SLCO6A1: variants seen among roughly 807,000 people sequenced by gnomAD.
The protein encoded by SLCO6A1 is solute carrier organic anion transporter family member 6A1.
SLCO6A1 carries 65 observed loss-of-function variants against 72.7 expected under a neutral mutation model. The observed-to-expected ratio is 0.89, with a 90% CI of 0.73 to 1.10. The LOEUF (loss-of-function observed/expected upper bound fraction) is 1.10, where lower values mean the gene tolerates loss of function less well. Ranked by LOEUF, SLCO6A1 falls within the 50% of genes least tolerant of loss-of-function variation. The pLI, the probability that SLCO6A1 is intolerant of heterozygous loss-of-function variation, is 0.00. For missense variants in SLCO6A1, 874 were observed against 872.6 expected (o/e 1.00, Z -0.02); for synonymous variants, 314 against 298.2 (o/e 1.05, Z -0.55).
chr5:102,414,846 G>T (rs114991692), intron 8 of SLCO6A1, among the ~76,000 whole-genome samples: 2,740 of 152,184 alleles, frequency 0.018, 58 homozygotes, highest in African/African-American at 0.05. Flanking sequence ...AGTGAGCTGA[G>T]ATTGTACCAC....
At chr5:102,467,593 T>C (rs1460202909) in intron 4 of SLCO6A1, among the ~76,000 whole-genome samples, 2 of 152,082 alleles carry the variant, frequency 1.3e-5, no homozygotes, top group African/African-American at 2.4e-5. Context: ...GTTATTACAA[T>C]TGAAGGTGAG....
At chr5:102,382,494 ATT>A (rs113699697) in intron 12 of SLCO6A1, among the ~76,000 whole-genome samples, 3,105 of 147,920 alleles carry the variant, frequency 0.021, 97 homozygotes, top group African/African-American at 0.071. Context: ...AAATTTTAGG[ATT>A]TTTTTTTTTT....
At chr5:102,395,811 A>T (rs1580349010) in intron 10 of SLCO6A1, among the ~76,000 whole-genome samples, 1 of 152,020 alleles carries the variant, frequency 6.6e-6, no homozygotes, top group African/African-American at 2.4e-5. Flanking sequence ...GCATTTTTTC[A>T]TGTGTCTGTT....
chr5:102,437,666 A>C (rs1398756164), intron 7 of SLCO6A1, among the ~76,000 whole-genome samples: 1 of 152,148 alleles, frequency 6.6e-6, no homozygotes, highest in Non-Finnish European at 1.5e-5. Flanking sequence ...CTTTTATAAA[A>C]AATGTACTCC....
At chr5:102,494,390 G>A (rs1752818447) in intron 1 of SLCO6A1, among the ~76,000 whole-genome samples, 1 of 152,078 alleles carries the variant, frequency 6.6e-6, no homozygotes, top group South Asian at 2.1e-4. Context: ...TATGATAGAA[G>A]CCAAAAAGAA....
intron 12 of SLCO6A1, among the ~76,000 whole-genome samples, chr5:102,378,600 TA>T (rs140833911): frequency 0.19 from 28,498 of 152,128 alleles, 3,550 homozygotes; most frequent in Non-Finnish European, 0.24. Context: ...CAAAATTATG[TA>T]AGTGGAATTA....
At chr5:102,465,323 A>G (rs1330468932) in intron 4 of SLCO6A1, among the ~76,000 whole-genome samples, 1 of 151,924 alleles carries the variant, frequency 6.6e-6, no homozygotes, top group Non-Finnish European at 1.5e-5. Flanking sequence ...GGATATATAT[A>G]TATATATATC....
intron 7 of SLCO6A1, among the ~76,000 whole-genome samples, chr5:102,436,420 AT>A (rs1168003222): frequency 1.3e-5 from 2 of 152,206 alleles, no homozygotes; most frequent in African/African-American, 4.8e-5. Flanking sequence ...ACAATGCTCA[AT>A]TACTCTGGAA....
chr5:102,498,574 A>G lies in SLCO6A1; in HGVS notation c.271T>C (p.Leu91=). 6.2e-7 allele frequency: 1 copy of G among 1,614,252 alleles called. No individual in the cohort carries two copies. The highest frequency in any genetic ancestry group is 8.5e-7 in the Non-Finnish European group (1 of 1,180,044). Residue 91 remains leucine (L), a synonymous_variant, in exon 1 of 14, where the codon TTG becomes CTG. Coordinates refer to ENST00000506729, the MANE Select transcript of SLCO6A1 (RefSeq NM_173488.5). ...VDDSLEQPCG[L]GCLVSTCCEC... is the part of the protein sequence containing the mutation. ...CAGCAGGTGCTGACTAAGCAGCCCAAACCACAGGGCTGCTCCAAACTGTCA... is the reference window on the plus strand; with the variant it reads ...CAGCAGGTGCTGACTAAGCAGCCCAGACCACAGGGCTGCTCCAAACTGTCA...
chr5:102,466,595 C>G (rs1016235629), intron 4 of SLCO6A1, among the ~76,000 whole-genome samples: 1 of 152,062 alleles, frequency 6.6e-6, no homozygotes, highest in East Asian at 1.9e-4. Flanking sequence ...TGAGGAATTA[C>G]CGCACTGTCT....
intron 7 of SLCO6A1, among the ~76,000 whole-genome samples, chr5:102,437,163 T>A (rs1436590864): frequency 2.0e-5 from 3 of 152,160 alleles, no homozygotes; most frequent in Non-Finnish European, 4.4e-5. Flanking sequence ...GTGACTTGAC[T>A]TGAAATAATC....
rs111966654 is a variant in SLCO6A1, at chr5:102,444,990, G to T, written c.1132-6229C>A. On this transcript the variant is annotated intron_variant, in intron 6 of 13. Transcript: ENST00000506729. ...TTCACCACTAATGAGCATCTAGGTG[G>T]ATTCCATGTATTTGCTATTGTGAAT... Among the ~76,000 whole-genome samples, 316 of 152,236 alleles carry T rather than the reference G, an allele frequency of 2.1e-3. 3 individuals carry two copies. Among genetic ancestry groups the T allele is most frequent in the African/African-American group, 7.2e-3 (300 of 41,538 alleles).
chr5:102,463,089 C>T (rs1338060737), intron 4 of SLCO6A1, among the ~76,000 whole-genome samples: 1 of 151,716 alleles, frequency 6.6e-6, no homozygotes. Context: ...AAAAACAATC[C>T]CATCAAAAAG....
intron 12 of SLCO6A1, among the ~76,000 whole-genome samples, chr5:102,381,798 CT>C (rs1349491310): frequency 6.8e-6 from 1 of 146,706 alleles, no homozygotes; most frequent in East Asian, 2.0e-4. Context: ...GCAATTTTCA[CT>C]TGCATTTTCC....
chr5:102,485,678 C>G (rs959825479), intron 1 of SLCO6A1, among the ~76,000 whole-genome samples: 5 of 152,160 alleles, frequency 3.3e-5, no homozygotes, highest in African/African-American at 1.2e-4. Flanking sequence ...CACATGAAAA[C>G]TTGCGCCTGT....
chr5:102,444,283 C>T (rs975916884), intron 6 of SLCO6A1, among the ~76,000 whole-genome samples: 1 of 152,266 alleles, frequency 6.6e-6, no homozygotes, highest in African/African-American at 2.4e-5. Flanking sequence ...GAAGGTGGGA[C>T]ATATAGTGTC....
In SLCO6A1 at chr5:102,407,590, G is replaced by T. The variant is rs116929711; in HGVS notation, c.1626+5400C>A. On this transcript the variant is annotated intron_variant, in intron 9 of 13. Transcript: ENST00000506729. ...GGCATAGTTTACTTTAAGAAAGAAA[G>T]GCTATCTTGGATAAACCTCATCTAA... Among the ~76,000 whole-genome samples, 3 of 152,288 alleles carry T rather than the reference G, an allele frequency of 2.0e-5. No homozygotes were observed. The East Asian group carries it at 5.8e-4, about 29-fold the overall frequency.
intron 7 of SLCO6A1, among the ~76,000 whole-genome samples, chr5:102,423,487 T>C (rs1748720529): frequency 6.6e-6 from 1 of 151,964 alleles, no homozygotes; most frequent in Non-Finnish European, 1.5e-5. Flanking sequence ...TAGTCTCTGA[T>C]AAAACAGACT....
intron 10 of SLCO6A1, among the ~76,000 whole-genome samples, chr5:102,396,624 A>G (rs922833873): frequency 3.3e-5 from 5 of 152,176 alleles, no homozygotes; most frequent in African/African-American, 1.2e-4. Flanking sequence ...TCTTTGTTCA[A>G]GTCAGACTGC....
Sources: allele counts gnomAD v4.1 joint callset (sites outside exome capture counted in the v4.1 genomes callset), GRCh38; gene constraint gnomAD v4.1.1; transcripts MANE v1.5; gene names NCBI Gene and HGNC (gene_info 2026-07-23, HGNC 2026-07-21).